Variants in SUPT20H observed in about 807,000 individuals in gnomAD.
The protein encoded by SUPT20H is transcription factor SPT20 homolog.
A neutral mutation model predicts 122.8 loss-of-function variants in SUPT20H; 82 were observed. That is an observed-to-expected ratio of 0.67 (90% CI 0.56 to 0.80). SUPT20H has a LOEUF of 0.80. Among genes scored for constraint, SUPT20H ranks in the 30% least tolerant of loss-of-function variants. The pLI, the probability that SUPT20H is intolerant of heterozygous loss-of-function variation, is 0.00. For synonymous variants in SUPT20H, 291 were observed against 313.0 expected, an observed-to-expected ratio of 0.93 and a Z score of 0.74; for missense variants, 831 against 921.6, an observed-to-expected ratio of 0.90 and a Z score of 1.27.
At chr13:37,012,102 G>T in intron 24 of SUPT20H, 90 bp downstream of exon 24, 1 of 1,001,372 alleles carries the variant, frequency 1.0e-6, no homozygotes, top group Non-Finnish European at 1.5e-6. Flanking sequence ...GGTTGCAAGG[G>T]AAGGAAAAGA....
intron 1 of SUPT20H, among the ~76,000 whole-genome samples, chr13:37,055,188 T>C (rs1043562169): frequency 1.3e-5 from 2 of 152,116 alleles, no homozygotes; most frequent in African/African-American, 4.8e-5. Context: ...AATCGCCATA[T>C]TGCTCAAGGT....
intron 24 of SUPT20H, 55 bp from the exon 25 acceptor site, chr13:37,010,710 G>A: frequency 8.1e-7 from 1 of 1,236,328 alleles, no homozygotes; most frequent in South Asian, 1.3e-5. Context: ...AGGCTACCAG[G>A]GTTAGAAAAG....
chr13:37,019,646 T>C (rs1161015851), intron 21 of SUPT20H, among the ~76,000 whole-genome samples: 2 of 152,206 alleles, frequency 1.3e-5, no homozygotes, highest in Admixed American at 6.5e-5. Context: ...GGGACTTCTT[T>C]TTCATTCTTC....
At chr13:37,053,808 C>A (rs993129007) in intron 1 of SUPT20H, among the ~76,000 whole-genome samples, 1 of 151,908 alleles carries the variant, frequency 6.6e-6, no homozygotes, top group South Asian at 2.1e-4. Flanking sequence ...AAGATTCATT[C>A]AAAAACTCAA....
At chr13:37,041,020 C>T (rs1309748737) in intron 7 of SUPT20H, among the ~76,000 whole-genome samples, 1 of 152,196 alleles carries the variant, frequency 6.6e-6, no homozygotes, top group Non-Finnish European at 1.5e-5. Flanking sequence ...TGCTGTTCTT[C>T]TGCAGCTCAC....
chr13:37,041,079 CATT>C (rs2065379726), intron 7 of SUPT20H, among the ~76,000 whole-genome samples: 3 of 152,276 alleles, frequency 2.0e-5, no homozygotes, highest in South Asian at 2.1e-4. Flanking sequence ...TAAAGTTTAT[CATT>C]GTTATAAATT....
In SUPT20H at chr13:37,022,135, C is replaced by T; in HGVS notation, c.1592-55G>A. 6.2e-7 allele frequency: 1 copy of T among 1,614,032 alleles called. No individual in the cohort carries two copies. Among genetic ancestry groups the T allele is most frequent in the Non-Finnish European group, 8.5e-7 (1 of 1,180,000 alleles). On this transcript the variant is annotated intron_variant, in intron 19 of 25. Transcript: ENST00000350612. This position sits in a 1 kb window ranked among gnomAD's most constrained non-coding sequence, Gnocchi z 4.5. ...AGAGGAATGGTTGTTACAGGCATTG[C>T]CTGGCTCAGAGACCTTTGCTGCTGA...
chr13:37,041,774 A>C (rs535822184), intron 7 of SUPT20H, among the ~76,000 whole-genome samples: 13 of 152,326 alleles, frequency 8.5e-5, no homozygotes, highest in Admixed American at 4.6e-4. Flanking sequence ...TCACAGATAC[A>C]GTAGTCAGAC....
At chr13:37,026,949 A>C in intron 14 of SUPT20H, 133 bp from the exon 15 acceptor site, 1 of 556,386 alleles carries the variant, frequency 1.8e-6, no homozygotes, top group Middle Eastern at 3.0e-4. Flanking sequence ...ACTCTGATGC[A>C]AAGGTAAAAA....
Position 37,059,557 on chromosome 13 carries a change from A to C in SUPT20H, c.-94+2T>G, listed in dbSNP as rs2070192680. 6.6e-6 allele frequency: 1 copy of C among 152,398 alleles called. No individual in the cohort carries two copies. The highest frequency in any genetic ancestry group is 2.4e-5 in the African/African-American group (1 of 41,440). 9.4% of individuals were successfully genotyped at this position (152,398 alleles called of 1,614,324 possible). The stretch of plus-strand genomic sequence containing the variant: ...GGCCACCCACCTACCGCCACCGCCC[A>C]CCTGTGCGGGTCGCCTCGCCGCTAG... On this transcript the variant is annotated splice_donor_variant, in intron 1 of 25. Coordinates refer to ENST00000350612, the MANE Select transcript of SUPT20H (RefSeq NM_001014286.3). LOFTEE classifies it low-confidence loss of function (5UTR_SPLICE).
chr13:37,024,518 T>G (rs2061875300), intron 17 of SUPT20H, 76 bp from the exon 18 acceptor site: 26 of 995,776 alleles, frequency 2.6e-5, no homozygotes, highest in Non-Finnish European at 3.4e-5. Context: ...TATATTTAAC[T>G]TCATAGTTTA....
chr13:37,014,489 AC>A (rs2060108667), intron 23 of SUPT20H, among the ~76,000 whole-genome samples: 1 of 152,124 alleles, frequency 6.6e-6, no homozygotes, highest in Non-Finnish European at 1.5e-5. Flanking sequence ...CATTAAACAA[AC>A]CTCAACAAAC....
At position 37,045,192 on chromosome 13, in the gene SUPT20H, G is replaced by A. The variant is rs567556501; in HGVS notation, c.292+55C>T. The stretch of plus-strand genomic sequence containing the variant: ...GTTAAAAAACTACTTTAAAAAAACC[G>A]CACATCCTGCCTAGCAAAAGTATTT... On this transcript the variant is annotated intron_variant, in intron 6 of 25. Coordinates refer to ENST00000350612, the MANE Select transcript of SUPT20H (RefSeq NM_001014286.3). 8.6e-5 allele frequency: 138 copies of A among 1,601,034 alleles called. 1 individual carries two copies. The Admixed American group carries it at 1.5e-3, about 17-fold the overall frequency.
intron 1 of SUPT20H, among the ~76,000 whole-genome samples, chr13:37,052,838 A>G (rs994041750): frequency 6.6e-6 from 1 of 152,172 alleles, no homozygotes; most frequent in African/African-American, 2.4e-5. Context: ...TAGAAGAAAA[A>G]AACAACCCCA....
chr13:37,055,877 G>C lies in SUPT20H; in HGVS notation c.-94+3682C>G, dbSNP rs575074964. ...GTTTGCAATCTACTCATCTGACAAA[G>C]GGCTAATATCCAGAATCTACAATGA... is the stretch of plus-strand genomic sequence containing the variant. On this transcript the variant is annotated intron_variant, in intron 1 of 25. Coordinates refer to ENST00000350612, the MANE Select transcript of SUPT20H (RefSeq NM_001014286.3). Among the ~76,000 whole-genome samples the C allele has an allele frequency of 5.9e-5, 9 of 152,244 alleles. No homozygotes were observed. The South Asian group carries it at 1.9e-3, about 32-fold the overall frequency.
At chr13:37,047,039 T>C (rs2066611210) in intron 5 of SUPT20H, 1 of 152,548 alleles carries the variant, frequency 6.6e-6, no homozygotes, top group Admixed American at 6.5e-5. Flanking sequence ...ACCCATATCT[T>C]TATGCCAAAT....
At chr13:37,023,186 T>C in intron 19 of SUPT20H, 1 of 829,744 alleles carries the variant, frequency 1.2e-6, no homozygotes. Context: ...AAAATTTATA[T>C]ATTTTTCTTT....
intron 1 of SUPT20H, chr13:37,057,227 A>G (rs2139532305): frequency 6.6e-6 from 1 of 152,090 alleles, no homozygotes; most frequent in South Asian, 2.1e-4. Context: ...CTTGGGAAAT[A>G]GAGGCTGCAG....
At chr13:37,057,248 TCA>T (rs1215703499) in intron 1 of SUPT20H, 1 of 150,884 alleles carries the variant, frequency 6.6e-6, no homozygotes, top group Admixed American at 6.6e-5. Flanking sequence ...TGAGCCATGA[TCA>T]CACCACTGTA....
Sources: allele counts gnomAD v4.1 joint callset (sites outside exome capture counted in the v4.1 genomes callset), GRCh38; gene constraint gnomAD v4.1.1; non-coding constraint Gnocchi (gnomAD v3.1); transcripts MANE v1.5; gene names NCBI Gene and HGNC (gene_info 2026-07-23, HGNC 2026-07-21).